Variants in PALD1 observed in about 807,000 individuals in gnomAD.
PALD1 encodes paladin.
PALD1 carries 57 observed loss-of-function variants against 96.0 expected under a neutral mutation model. The ratio of observed to expected loss-of-function variants is 0.59; its 90% CI spans 0.48 to 0.74. The LOEUF (loss-of-function observed/expected upper bound fraction) is 0.74. Ranked by LOEUF, PALD1 falls within the 30% of genes least tolerant of loss-of-function variation. PALD1 has a pLI of 0.00. For synonymous variants in PALD1, 464 were observed against 473.6 expected (o/e 0.98, Z 0.26); for missense variants, 1,063 against 1,143.7 (o/e 0.93, Z 1.02).
intron 1 of PALD1, among the ~76,000 whole-genome samples, chr10:70,507,083 TA>T (rs1393107463): frequency 1.3e-5 from 2 of 152,154 alleles, no homozygotes; most frequent in South Asian, 4.2e-4. Context: ...ATCTTTCTAT[TA>T]AAAAAATTAT....
At chr10:70,538,644 C>G (rs754303235) in intron 12 of PALD1, among the ~76,000 whole-genome samples, 35 of 152,230 alleles carry the variant, frequency 2.3e-4, no homozygotes, top group Non-Finnish European at 4.7e-4. Flanking sequence ...CCCAAGAGCT[C>G]TGGGCAGGGT....
At chr10:70,524,810 T>A (rs1589194731) in intron 1 of PALD1, among the ~76,000 whole-genome samples, 1 of 152,326 alleles carries the variant, frequency 6.6e-6, no homozygotes, top group Non-Finnish European at 1.5e-5. Flanking sequence ...AGAGGTTGTT[T>A]CCAATGTTGT....
At chr10:70,529,439 C>A in intron 3 of PALD1, 108 bp downstream of exon 3, 3 of 645,726 alleles carry the variant, frequency 4.6e-6, no homozygotes, top group Non-Finnish European at 2.8e-6. Context: ...CCCCGTCTCT[C>A]TGCCCATTTT....
intron 18 of PALD1, among the ~76,000 whole-genome samples, chr10:70,555,085 C>T (rs1429391174): frequency 7.0e-6 from 1 of 141,992 alleles, no homozygotes; most frequent in Non-Finnish European, 1.5e-5. Context: ...GATTTTCCTA[C>T]CTCAGCCTCC....
At position 70,479,056 on chromosome 10, in the gene PALD1, G is replaced by C. The variant is rs1000930823; in HGVS notation, c.-33G>C. 4.6e-5 allele frequency: 7 copies of C among 152,162 alleles called. No individual in the cohort carries two copies. Among genetic ancestry groups the C allele is most frequent in the African/African-American group, 1.7e-4 (7 of 41,436 alleles). The allele number at this position is 152,162 out of a possible 1,614,324, so 9.4% of individuals were successfully genotyped here. On this transcript the variant is annotated 5_prime_UTR_variant, in exon 1 of 20. Transcript: ENST00000263563. Reference sequence around the variant, plus strand: ...GGATGCCCCCCGGAGCCGCGGGCTGGCAGGTACCGAAGTGTCCTGCCCTGG... The same window carrying C: ...GGATGCCCCCCGGAGCCGCGGGCTGCCAGGTACCGAAGTGTCCTGCCCTGG...
chr10:70,497,251 C>T (rs907238766), intron 1 of PALD1, among the ~76,000 whole-genome samples: 23 of 152,236 alleles, frequency 1.5e-4, no homozygotes, highest in African/African-American at 4.6e-4. Flanking sequence ...TGGGATGGTG[C>T]ACATACGTGG....
intron 18 of PALD1, among the ~76,000 whole-genome samples, chr10:70,554,104 G>A (rs1274199796): frequency 6.6e-6 from 1 of 152,232 alleles, no homozygotes; most frequent in Non-Finnish European, 1.5e-5. Context: ...CCTCCTGCAT[G>A]TGAAGGGGCC....
intron 17 of PALD1, among the ~76,000 whole-genome samples, chr10:70,546,278 A>G (rs1464320641): frequency 6.6e-6 from 1 of 152,234 alleles, no homozygotes; most frequent in Non-Finnish European, 1.5e-5. Flanking sequence ...AGCACCTTAG[A>G]TCAGCTTAAC....
At chr10:70,467,484 G>T in the PALD1 span, among the ~76,000 whole-genome samples, 1 of 152,172 alleles carries the variant, frequency 6.6e-6, no homozygotes, top group Admixed American at 6.5e-5. Context: ...TGGATGTCGG[G>T]TTCATGTGTG....
In PALD1 at chr10:70,540,508, G is replaced by A. The variant is rs866309895; in HGVS notation, c.1909-594G>A. ...ACGTGGATCCCTGTGTGGTGCGTGT[G>A]TCTGGCGTGTGTTGTAGGTGAGCCA... On this transcript the variant is annotated intron_variant, in intron 15 of 19. Coordinates refer to ENST00000263563, the MANE Select transcript of PALD1 (RefSeq NM_014431.3). The surrounding 1 kb of genome is among the most constrained non-coding windows in gnomAD (Gnocchi z 4.2). Among the ~76,000 whole-genome samples the A allele has an allele frequency of 5.3e-5, 8 of 152,020 alleles. No individual in the cohort carries two copies. Among genetic ancestry groups the A allele is most frequent in the African/African-American group, 1.9e-4 (8 of 41,352 alleles).
intron 1 of PALD1, among the ~76,000 whole-genome samples, chr10:70,510,530 C>G (rs1448675702): frequency 6.6e-6 from 1 of 152,178 alleles, no homozygotes; most frequent in East Asian, 1.9e-4. Context: ...TAGAGATAGA[C>G]AGGAGCCAGC....
Position 70,540,230 on chromosome 10 carries a change from G to A in PALD1, c.1908+468G>A, listed in dbSNP as rs928313034. On this transcript the variant is annotated intron_variant, in intron 15 of 19. Coordinates refer to ENST00000263563, the MANE Select transcript of PALD1 (RefSeq NM_014431.3). This position sits in a 1 kb window ranked among gnomAD's most constrained non-coding sequence, Gnocchi z 4.2. ...GGGTGAACATGTCCAGGGTGTCCGT[G>A]GTGTGTGTGTCTCAGTTGGGGGACT... Among the ~76,000 whole-genome samples, 1 of 151,368 alleles carries A rather than the reference G, an allele frequency of 6.6e-6. No individual in the cohort carries two copies. The highest frequency in any genetic ancestry group is 1.5e-5 in the Non-Finnish European group (1 of 67,822).
intron 5 of PALD1, among the ~76,000 whole-genome samples, chr10:70,531,981 T>TAAA (rs71472975): frequency 7.3e-6 from 1 of 136,588 alleles, no homozygotes. Flanking sequence ...AAACTCTTTC[T>TAAA]AAAAAAAAAA....
chr10:70,464,623 C>A, the PALD1 span, among the ~76,000 whole-genome samples: 1 of 110,568 alleles, frequency 9.0e-6, no homozygotes, highest in African/African-American at 3.3e-5. Context: ...AACTGTACCT[C>A]CTTTTTTTTT....
intron 1 of PALD1, among the ~76,000 whole-genome samples, chr10:70,508,818 T>C (rs1846450797): frequency 8.5e-6 from 1 of 117,086 alleles, no homozygotes; most frequent in South Asian, 2.8e-4. Flanking sequence ...TGTGTGTGTG[T>C]GCAGGCCTGT....
At chr10:70,464,305 G>A in the PALD1 span, among the ~76,000 whole-genome samples, 4 of 146,534 alleles carry the variant, frequency 2.7e-5, no homozygotes, top group Non-Finnish European at 3.0e-5. Context: ...TCTACCTCCC[G>A]GGTTCAAGCA....
chr10:70,547,277 G>A (rs1224640581), intron 17 of PALD1, 29 bp from the exon 18 acceptor site: 3 of 1,610,918 alleles, frequency 1.9e-6, no homozygotes, highest in Admixed American at 1.7e-5. Context: ...CCAGTTTTAT[G>A]TCTGCTCACC....
At chr10:70,491,804 T>C (rs1010977077) in intron 1 of PALD1, among the ~76,000 whole-genome samples, 1 of 152,226 alleles carries the variant, frequency 6.6e-6, no homozygotes, top group Non-Finnish European at 1.5e-5. Flanking sequence ...GTCTCTGGAT[T>C]TACCTATTTT....
At position 70,534,422 on chromosome 10, in the gene PALD1, C is replaced by A; in HGVS notation, c.1023-3C>A. 1 of 1,604,040 alleles carries A rather than the reference C, an allele frequency of 6.2e-7. No homozygotes were observed. Among genetic ancestry groups the A allele is most frequent in the South Asian group, 1.1e-5 (1 of 89,304 alleles). On this transcript the variant is annotated splice_polypyrimidine_tract_variant and splice_region_variant and intron_variant, in intron 8 of 19. Transcript: ENST00000263563. Reference sequence around the variant, plus strand: ...TGCTAATGTACTGACCCTGCCTCGACAGGGCTGCCCCCACGCAGGCCAAGC... The same window carrying A: ...TGCTAATGTACTGACCCTGCCTCGAAAGGGCTGCCCCCACGCAGGCCAAGC...
Sources: allele counts gnomAD v4.1 joint callset (sites outside exome capture counted in the v4.1 genomes callset), GRCh38; gene constraint gnomAD v4.1.1; non-coding constraint Gnocchi (gnomAD v3.1); transcripts MANE v1.5; gene names NCBI Gene and HGNC (gene_info 2026-07-23, HGNC 2026-07-21).